CEMIP: variants seen among roughly 807,000 people sequenced by gnomAD.
CEMIP encodes the protein cell migration inducing hyaluronidase 1.
Under a neutral mutation model 156.9 loss-of-function variants are expected in CEMIP, and 105 were observed. The ratio of observed to expected loss-of-function variants is 0.67; its 90% CI spans 0.57 to 0.79. The LOEUF (loss-of-function observed/expected upper bound fraction) is 0.79, where lower values mean the gene tolerates loss of function less well. Among genes scored for constraint, CEMIP ranks in the 30% least tolerant of loss-of-function variants. The pLI is 0.00. For missense variants in CEMIP, 1,457 were observed against 1,769.4 expected (o/e 0.82, Z 3.17); for synonymous variants, 676 against 668.4 (o/e 1.01, Z -0.17).
At chr15:80,827,445 C>A (rs563535058) in intron 1 of CEMIP, among the ~76,000 whole-genome samples, 7 of 152,048 alleles carry the variant, frequency 4.6e-5, no homozygotes, top group Non-Finnish European at 7.4e-5. Flanking sequence ...ATGGTGAAAC[C>A]CTGTCTCTAC....
intron 1 of CEMIP, among the ~76,000 whole-genome samples, chr15:80,832,412 T>C (rs972136855): frequency 1.3e-5 from 2 of 150,562 alleles, no homozygotes; most frequent in East Asian, 2.0e-4. Flanking sequence ...TGGTGGGACT[T>C]GCTTGTGACC....
At chr15:80,943,449 G>C (rs920271374) in intron 28 of CEMIP, among the ~76,000 whole-genome samples, 15 of 152,200 alleles carry the variant, frequency 9.9e-5, no homozygotes, top group African/African-American at 3.4e-4. Context: ...TCTCCAGCCC[G>C]GATCTCCTTC....
intron 25 of CEMIP, 116 bp downstream of exon 25, chr15:80,938,095 T>C: frequency 1.2e-6 from 1 of 823,972 alleles, no homozygotes; most frequent in Non-Finnish European, 2.0e-6. Flanking sequence ...GTAAGACACC[T>C]TTCTAGGCAT....
chr15:80,918,887 T>C (rs1013369726), intron 14 of CEMIP, among the ~76,000 whole-genome samples: 1 of 151,980 alleles, frequency 6.6e-6, no homozygotes, highest in African/African-American at 2.4e-5. Context: ...AGTTCTGAGA[T>C]TGATGAGTTT....
chr15:80,829,982 G>GTT (rs1897121205), intron 1 of CEMIP, among the ~76,000 whole-genome samples: 1 of 134,634 alleles, frequency 7.4e-6, no homozygotes, highest in Admixed American at 7.8e-5. Flanking sequence ...GTGTGTGTGT[G>GTT]TGTGTGTGTG....
At chr15:80,834,623 T>A (rs1267251904) in intron 1 of CEMIP, among the ~76,000 whole-genome samples, 1 of 152,252 alleles carries the variant, frequency 6.6e-6, no homozygotes, top group Non-Finnish European at 1.5e-5. Context: ...GTTTCATTGG[T>A]CCATTTATGT....
At chr15:80,894,151 C>G (rs1899130205) in intron 10 of CEMIP, among the ~76,000 whole-genome samples, 1 of 152,192 alleles carries the variant, frequency 6.6e-6, no homozygotes, top group African/African-American at 2.4e-5. Flanking sequence ...GGGGCAAAAA[C>G]CAGCTCCTTG....
At chr15:80,857,257 C>A (rs35712296) in intron 1 of CEMIP, among the ~76,000 whole-genome samples, 1 of 152,194 alleles carries the variant, frequency 6.6e-6, no homozygotes, top group Non-Finnish European at 1.5e-5. Flanking sequence ...GCTGCCAGGC[C>A]CTGCCTCATG....
At position 80,895,929 on chromosome 15, in the gene CEMIP, A is replaced by T. The variant is rs1403253961; in HGVS notation, c.1280A>T (p.Glu427Val). Residue 427 changes from glutamate (E) to valine (V), a missense_variant, in exon 12 of 30, where the codon GAG (glutamate) becomes GTG (valine). Physicochemically the swap from Glu to Val is moderately radical, Grantham distance 121. Around this residue, in one of 5 missense-constraint regions of CEMIP, gnomAD observed 280 missense variants for 300.3 expected, o/e 0.93. Transcript: ENST00000394685. Reference protein sequence around the residue: ...TNVNSTILNLEDNVQSWKPGD... With the variant: ...TNVNSTILNLVDNVQSWKPGD... ...GTGAACAGCACCATTCTGAACTTGG[A>T]GGATAATGTACAGTCATGGAAACCT... is the stretch of plus-strand genomic sequence containing the variant. 6.2e-7 allele frequency: 1 copy of T among 1,614,144 alleles called. No homozygotes were observed.
chr15:80,949,233 G>A lies in CEMIP; in HGVS notation c.*309G>A, dbSNP rs1901712476. 7.1e-6 allele frequency: 3 copies of A among 425,384 alleles called. No homozygotes were observed. The highest frequency in any genetic ancestry group is 8.8e-6 in the Non-Finnish European group (2 of 226,380). The allele number at this position is 425,384 out of a possible 1,614,324, so 26.4% of individuals were successfully genotyped here. Reference sequence around the variant, plus strand: ...TGGGGGTTTGGGGACCATATCAGGAGACCTGGGTTGTGCTGACAGCAAAGA... The same window carrying A: ...TGGGGGTTTGGGGACCATATCAGGAAACCTGGGTTGTGCTGACAGCAAAGA... On this transcript the variant is annotated 3_prime_UTR_variant, in exon 30 of 30. Coordinates refer to ENST00000394685, the MANE Select transcript of CEMIP (RefSeq NM_001293298.2).
At chr15:80,874,098 C>A in intron 3 of CEMIP, 125 bp downstream of exon 3, 1 of 851,008 alleles carries the variant, frequency 1.2e-6, no homozygotes, top group Non-Finnish European at 1.9e-6. Flanking sequence ...GTGCCTGGGC[C>A]TTGGCCCGAC....
At chr15:80,847,327 G>T (rs1303857590) in intron 1 of CEMIP, among the ~76,000 whole-genome samples, 1 of 152,198 alleles carries the variant, frequency 6.6e-6, no homozygotes, top group African/African-American at 2.4e-5. Flanking sequence ...GAAACTGCAG[G>T]CATGAGCTGC....
rs1901703283 is a variant in CEMIP, at chr15:80,949,131, G to A, written c.*207G>A. ...CAAGTGTCTACCTGGAGCCCCTGGG[G>A]CGGTGCTGGCCAATGCTGGAAACAT... On this transcript the variant is annotated 3_prime_UTR_variant, in exon 30 of 30. Transcript: ENST00000394685. The A allele has an allele frequency of 1.5e-6, 1 of 665,728 alleles. No individual in the cohort carries two copies. The highest frequency in any genetic ancestry group is 2.8e-5 in the East Asian group (1 of 35,906). 41.2% of individuals were successfully genotyped at this position (665,728 alleles called of 1,614,324 possible). A position where few individuals can be genotyped will look rare whatever the true frequency, so the allele number is the denominator to read the frequency against.
chr15:80,846,300 G>C (rs928257578), intron 1 of CEMIP, among the ~76,000 whole-genome samples: 37 of 152,232 alleles, frequency 2.4e-4, no homozygotes, highest in African/African-American at 8.4e-4. Context: ...CAACCAACCA[G>C]AGCGCTCTTC....
intron 14 of CEMIP, among the ~76,000 whole-genome samples, chr15:80,914,274 G>GGT (rs1489976227): frequency 2.6e-5 from 4 of 152,188 alleles, no homozygotes; most frequent in Non-Finnish European, 5.9e-5. Context: ...CTTCAATATG[G>GGT]GTTCTGCTTG....
At chr15:80,802,756 G>T (rs934462649) in intron 1 of CEMIP, among the ~76,000 whole-genome samples, 1 of 152,216 alleles carries the variant, frequency 6.6e-6, no homozygotes, top group African/African-American at 2.4e-5. Flanking sequence ...TTTGGACTTA[G>T]AGGTCCTGGG....
intron 12 of CEMIP, among the ~76,000 whole-genome samples, chr15:80,905,834 C>T (rs1358306864): frequency 2.0e-5 from 3 of 151,988 alleles, no homozygotes; most frequent in South Asian, 2.1e-4. Flanking sequence ...GTGCACAAGT[C>T]GGGAGAGCAT....
chr15:80,947,793 T>C (rs1901627078), intron 29 of CEMIP: 1 of 152,556 alleles, frequency 6.6e-6, no homozygotes, highest in African/African-American at 2.4e-5. Flanking sequence ...CACTTACTCA[T>C]TAATAACCTG....
At chr15:80,858,349 C>T (rs1310757860) in intron 1 of CEMIP, among the ~76,000 whole-genome samples, 1 of 152,178 alleles carries the variant, frequency 6.6e-6, no homozygotes, top group African/African-American at 2.4e-5. Flanking sequence ...AATAAGTATT[C>T]TTTTCCGATA....
Sources: allele counts gnomAD v4.1 joint callset (sites outside exome capture counted in the v4.1 genomes callset), GRCh38; gene constraint gnomAD v4.1.1; regional missense constraint gnomAD v4.1.1; transcripts MANE v1.5; gene names NCBI Gene and HGNC (gene_info 2026-07-23, HGNC 2026-07-21).